Variants in FGF12 observed in about 807,000 individuals in gnomAD.
FGF12 encodes fibroblast growth factor 12.
A neutral mutation model predicts 23.6 loss-of-function variants in FGF12; 14 were observed. The ratio of observed to expected loss-of-function variants is 0.59; its 90% CI spans 0.39 to 0.93. FGF12 has a LOEUF of 0.93. FGF12 is among the 40% of genes least tolerant of loss of function. The pLI is 0.00. For missense variants in FGF12, 175 were observed against 217.8 expected (o/e 0.80, Z 1.24); for synonymous variants, 62 against 77.3 (o/e 0.80, Z 1.04).
intron 4 of FGF12, among the ~76,000 whole-genome samples, chr3:192,308,710 A>T (rs927527599): frequency 1.3e-5 from 2 of 152,030 alleles, no homozygotes; most frequent in African/African-American, 4.8e-5. Context: ...ATAAACAAAT[A>T]AATTTAAAAA....
intron 2 of FGF12, among the ~76,000 whole-genome samples, chr3:192,711,341 C>T (rs546540607): frequency 1.3e-4 from 19 of 151,644 alleles, no homozygotes; most frequent in African/African-American, 4.4e-4. Flanking sequence ...GGGGCATCTC[C>T]GCCCAGCCGC....
chr3:192,195,427 G>T (rs1448439743), intron 4 of FGF12, among the ~76,000 whole-genome samples: 1 of 152,158 alleles, frequency 6.6e-6, no homozygotes, highest in Non-Finnish European at 1.5e-5. Context: ...CCATAAGCTT[G>T]TAACACTGAA....
At chr3:192,513,150 T>C (rs1287368455) in intron 2 of FGF12, among the ~76,000 whole-genome samples, 1 of 151,980 alleles carries the variant, frequency 6.6e-6, no homozygotes, top group Admixed American at 6.5e-5. Flanking sequence ...TATACCCAAG[T>C]TATGATCTAT....
chr3:192,667,327 G>A (rs1292507733), intron 2 of FGF12, among the ~76,000 whole-genome samples: 1 of 152,068 alleles, frequency 6.6e-6, no homozygotes, highest in Non-Finnish European at 1.5e-5. Flanking sequence ...GTAGAGGCTG[G>A]GTGTGGTTGC....
chr3:192,616,294 G>T (rs1714752239), intron 2 of FGF12, among the ~76,000 whole-genome samples: 1 of 151,994 alleles, frequency 6.6e-6, no homozygotes, highest in African/African-American at 2.4e-5. Flanking sequence ...AATAAACGTA[G>T]TATGTCTCTA....
At chr3:192,645,820 T>C (rs1324521284) in intron 2 of FGF12, among the ~76,000 whole-genome samples, 1 of 147,472 alleles carries the variant, frequency 6.8e-6, no homozygotes, top group African/African-American at 2.5e-5. Context: ...GAACCAACAT[T>C]CTAGTGAAGG....
intron 2 of FGF12, among the ~76,000 whole-genome samples, chr3:192,485,232 G>C (rs898167305): frequency 1.3e-5 from 2 of 152,072 alleles, no homozygotes; most frequent in Non-Finnish European, 2.9e-5. Flanking sequence ...TTGACTTTAT[G>C]GAGACTAATT....
chr3:192,303,332 G>A (rs568752090), intron 4 of FGF12, among the ~76,000 whole-genome samples: 1 of 152,270 alleles, frequency 6.6e-6, no homozygotes, highest in East Asian at 1.9e-4. Context: ...GCCAGGTTAG[G>A]ATACGTCCCT....
At chr3:192,712,663 T>C (rs1352867849) in intron 2 of FGF12, among the ~76,000 whole-genome samples, 1 of 152,050 alleles carries the variant, frequency 6.6e-6, no homozygotes, top group African/African-American at 2.4e-5. Flanking sequence ...AACCACACGA[T>C]TGTTCAAATA....
chr3:192,256,114 G>A (rs966961787), intron 4 of FGF12, among the ~76,000 whole-genome samples: 2 of 152,044 alleles, frequency 1.3e-5, no homozygotes, highest in Non-Finnish European at 2.9e-5. Context: ...TCCTTGTCCT[G>A]TCCTCATCTT....
At chr3:192,211,545 C>G (rs1717930997) in intron 4 of FGF12, among the ~76,000 whole-genome samples, 1 of 152,074 alleles carries the variant, frequency 6.6e-6, no homozygotes, top group Admixed American at 6.5e-5. Context: ...CCTGCCTCAG[C>G]CTACCGTGTA....
chr3:192,329,009 G>A (rs1196968480), intron 4 of FGF12, among the ~76,000 whole-genome samples: 1 of 152,132 alleles, frequency 6.6e-6, no homozygotes, highest in African/African-American at 2.4e-5. Context: ...TGCAACAATT[G>A]TATGAAATTT....
At chr3:192,567,754 TTTCTTTC>T (rs1166756118) in intron 2 of FGF12, among the ~76,000 whole-genome samples, 1 of 126,858 alleles carries the variant, frequency 7.9e-6, no homozygotes, top group African/African-American at 2.9e-5. Context: ...TCTTTCTTTC[TTTCTTTC>T]TTTCTTTCTT....
At position 192,360,482 on chromosome 3, in the gene FGF12, G is replaced by T; in HGVS notation, c.70C>A (p.Gln24Lys). 4 of 1,613,924 alleles carry T rather than the reference G, an allele frequency of 2.5e-6. No homozygotes were observed. Among genetic ancestry groups the T allele is most frequent in the Non-Finnish European group, 3.4e-6 (4 of 1,179,854 alleles). ...TCAATGGTACCATCTGGGTGCATCT[G>T]CAGGAAGTATCCCTGCTGGCTGAAT... is the stretch of plus-strand genomic sequence containing the variant. ...RLFSQQGYFL[Q>K]MHPDGTIDGT... Residue 24 changes from glutamine (Q) to lysine (K), a missense_variant, in exon 3 of 6, where the codon CAG (glutamine) becomes AAG (lysine). Physicochemically the swap from Gln to Lys is moderately conservative, Grantham distance 53 (BLOSUM62 1). Transcript: ENST00000445105. This position sits in a 1 kb window ranked among gnomAD's most constrained non-coding sequence, Gnocchi z 4.3.
chr3:192,274,235 TA>T, intron 4 of FGF12, among the ~76,000 whole-genome samples: 1 of 152,094 alleles, frequency 6.6e-6, no homozygotes, highest in East Asian at 1.9e-4. Context: ...TAGAGCAGAG[TA>T]AAAATTCCAC....
At chr3:192,451,710 C>A (rs1159048771) in intron 2 of FGF12, among the ~76,000 whole-genome samples, 3 of 152,142 alleles carry the variant, frequency 2.0e-5, no homozygotes, top group African/African-American at 4.8e-5. Flanking sequence ...TTCTTCTTAA[C>A]AATTTGTTTC....
At chr3:192,225,132 C>T (rs1577252606) in intron 4 of FGF12, among the ~76,000 whole-genome samples, 1 of 152,052 alleles carries the variant, frequency 6.6e-6, no homozygotes, top group South Asian at 2.1e-4. Context: ...TTAACATCTC[C>T]CCCTGGATAT....
At chr3:192,256,216 T>C (rs188907085) in intron 4 of FGF12, among the ~76,000 whole-genome samples, 26 of 152,214 alleles carry the variant, frequency 1.7e-4, no homozygotes, top group Middle Eastern at 6.8e-3. Flanking sequence ...TTCTGACTTA[T>C]AAATATGCAT....
intron 4 of FGF12, among the ~76,000 whole-genome samples, chr3:192,184,193 C>T (rs1375706943): frequency 6.6e-6 from 1 of 152,110 alleles, no homozygotes; most frequent in African/African-American, 2.4e-5. Context: ...CACTGTATGC[C>T]AGCCTGAGCA....
Sources: gnomAD v4.1 joint callset for allele counts (sites outside exome capture counted in the v4.1 genomes callset) on GRCh38, gnomAD v4.1.1 for gene constraint, Gnocchi (gnomAD v3.1) non-coding constraint, MANE v1.5 for transcripts, NCBI Gene and HGNC (gene_info 2026-07-23, HGNC 2026-07-21) for gene names.